The following RP1 variants were observed in gnomAD, a reference collection of about 807,000 sequenced individuals.
RP1 encodes the protein RP1 axonemal microtubule associated, also known as oxygen-regulated protein 1.
In RP1, 16 loss-of-function variants were observed where a neutral mutation model predicts 14.8. That is an observed-to-expected ratio of 1.08 (90% CI 0.73 to 1.65). The LOEUF is 1.65. Ranked by LOEUF, RP1 falls within the 40% of genes most tolerant of loss-of-function variation. RP1 has a pLI of 0.00. For synonymous variants in RP1, 876 were observed against 883.6 expected (o/e 0.99, Z 0.15); for missense variants, 2,631 against 2,535.0 (o/e 1.04, Z -0.81).
chr8:54,737,591 G>A (rs561263693), intron 18 of RP1, among the ~76,000 whole-genome samples: 1 of 152,254 alleles, frequency 6.6e-6, no homozygotes, highest in African/African-American at 2.4e-5. Flanking sequence ...CTGGGAATAA[G>A]GAAGTGGGGG....
chr8:54,812,794 T>TATCTATC (rs746333076), intron 24 of RP1, among the ~76,000 whole-genome samples: 237 of 150,742 alleles, frequency 1.6e-3, no homozygotes, highest in Non-Finnish European at 2.5e-3. Context: ...TCTATCTATC[T>TATCTATC]ATCTATCTAT....
At chr8:54,770,979 A>C (rs373031348), downstream of RP1, among the ~76,000 whole-genome samples, 1 of 152,024 alleles carries the variant, frequency 6.6e-6, no homozygotes, top group South Asian at 2.1e-4. Flanking sequence ...GTTTTCAAAA[A>C]TGGATGTACT....
At chr8:54,648,135 T>G (rs1806586009) in intron 3 of RP1, among the ~76,000 whole-genome samples, 1 of 152,184 alleles carries the variant, frequency 6.6e-6, no homozygotes, top group African/African-American at 2.4e-5. Context: ...CTGCCATGAT[T>G]GTTAAGTTTC....
intron 1 of RP1, among the ~76,000 whole-genome samples, chr8:54,604,391 C>T (rs1320160370): frequency 6.6e-6 from 1 of 152,196 alleles, no homozygotes; most frequent in Non-Finnish European, 1.5e-5. Context: ...ATGAAGCCCA[C>T]TTGATCATGG....
chr8:54,814,520 A>G (rs1811087719), intron 24 of RP1, among the ~76,000 whole-genome samples: 1 of 152,210 alleles, frequency 6.6e-6, no homozygotes, highest in Admixed American at 6.5e-5. Context: ...GTTTTCTTAG[A>G]GTTCACTGAT....
At chr8:54,850,105 G>T (rs949708936) in intron 25 of RP1, among the ~76,000 whole-genome samples, 2 of 152,110 alleles carry the variant, frequency 1.3e-5, no homozygotes, top group Non-Finnish European at 2.9e-5. Flanking sequence ...TTAAAAATTT[G>T]GCAGAAATGT....
Position 54,621,308 on chromosome 8 carries a change from T to G in RP1, c.342T>G (p.Pro114=). The G allele has an allele frequency of 6.2e-7, 1 of 1,613,576 alleles. No homozygotes were observed. The highest frequency in any genetic ancestry group is 8.5e-7 in the Non-Finnish European group (1 of 1,179,854). Residue 114 remains proline, a synonymous_variant, in exon 2 of 4, where the codon CCT becomes CCG. Transcript: ENST00000220676. ...GTTCCCACGGCAGGAAGGTGCAGCC[T>G]GTAGACCTGGACAAAGCCCGTCGGC... is the stretch of plus-strand genomic sequence containing the variant. ...YLCSHGRKVQ[P]VDLDKARRRP... is the part of the protein sequence containing the mutation.
intron 24 of RP1, among the ~76,000 whole-genome samples, chr8:54,824,688 C>T (rs34303551): frequency 0.32 from 47,915 of 151,922 alleles, 7,722 homozygotes; most frequent in South Asian, 0.37. Context: ...TAGAATTCAG[C>T]ATCCTACAAA....
Position 54,622,232 on chromosome 8 carries a change from C to G in RP1, c.731C>G (p.Pro244Arg). ...AAATACTTGCTTCCTGCTAGATTAC[C>G]AGGGATCTCTCAGCGTGTGTACCCC... ...IQKYLLPARL[P>R]GISQRVYPKG... The change falls in exon 3 of 4, where the codon CCA becomes CGA. Residue 244 changes from proline to arginine, a missense_variant. By Grantham distance (103) the Pro-to-Arg change is moderately radical. Coordinates refer to ENST00000220676, the MANE Select transcript of RP1 (RefSeq NM_006269.2). 3.7e-6 allele frequency: 6 copies of G among 1,614,084 alleles called. No homozygotes were observed. Among genetic ancestry groups the G allele is most frequent in the Non-Finnish European group, 5.1e-6 (6 of 1,180,020 alleles).
chr8:54,696,817 C>T (rs188609699), intron 12 of RP1: 190 of 734,922 alleles, frequency 2.6e-4, no homozygotes, highest in African/African-American at 1.7e-3. Context: ...ATGTGACCTG[C>T]GGATTTCCAA....
At chr8:54,769,709 CTCTT>C (rs540806549) in intron 22 of RP1, 55 of 1,359,392 alleles carry the variant, frequency 4.0e-5, no homozygotes, top group Non-Finnish European at 5.3e-5. Flanking sequence ...TTTCTCCTCT[CTCTT>C]TCTTTCTCTC....
intron 19 of RP1, among the ~76,000 whole-genome samples, chr8:54,740,783 C>T (rs1234515669): frequency 6.6e-6 from 1 of 151,784 alleles, no homozygotes; most frequent in Non-Finnish European, 1.5e-5. Flanking sequence ...GTGGATCATG[C>T]CTGTCATCTC....
exon 18 of RP1, chr8:54,734,674 C>G: frequency 1.3e-6 from 2 of 1,535,774 alleles, no homozygotes; most frequent in East Asian, 2.4e-5. Context: ...AAAGGAGTCA[C>G]TGGGCCAATA....
chr8:54,784,171 G>T (rs1810262634), intron 24 of RP1, among the ~76,000 whole-genome samples: 1 of 152,100 alleles, frequency 6.6e-6, no homozygotes, highest in South Asian at 2.1e-4. Context: ...AGATTCAATT[G>T]CTGACTTTGC....
intron 24 of RP1, among the ~76,000 whole-genome samples, chr8:54,809,120 T>C (rs751638447): frequency 1.3e-5 from 2 of 152,224 alleles, no homozygotes; most frequent in Non-Finnish European, 2.9e-5. Flanking sequence ...CTTTATATAC[T>C]CTGGGCAATA....
chr8:54,765,282 C>A (rs1260660259), intron 22 of RP1, among the ~76,000 whole-genome samples: 1 of 152,218 alleles, frequency 6.6e-6, no homozygotes, highest in East Asian at 1.9e-4. Context: ...GTAATCAAGA[C>A]CTTCAGTGTC....
chr8:54,771,138 C>A (rs1809893606), downstream of RP1, among the ~76,000 whole-genome samples: 5 of 151,942 alleles, frequency 3.3e-5, no homozygotes, highest in Admixed American at 3.3e-4. Flanking sequence ...TGTGTTTCAG[C>A]TTAGTTTTTG....
At chr8:54,624,620 TC>T (rs780762136) in intron 3 of RP1, 49 bp from the exon 4 acceptor site, 2 of 1,583,770 alleles carry the variant, frequency 1.3e-6, no homozygotes, top group Non-Finnish European at 8.7e-7. Flanking sequence ...TTCTCTGCCT[TC>T]CATATTATAT....
rs1299791617 is a variant in RP1 at position 54,588,527 on chromosome 8, G to A, written c.-13+29207G>A. ...GGCCCAGGAAGGAGCTGGCACACAGGCTATGGCTTTGGCAAAGGGAAAGGC... is the reference window on the plus strand; with the variant it reads ...GGCCCAGGAAGGAGCTGGCACACAGACTATGGCTTTGGCAAAGGGAAAGGC... On this transcript the variant is annotated intron_variant, in intron 1 of 22. Transcript: ENST00000636932. Among the ~76,000 whole-genome samples, 4 of 152,284 alleles carry A rather than the reference G, an allele frequency of 2.6e-5. No homozygotes were observed. The East Asian group carries it at 7.7e-4, about 29-fold the overall frequency.
Sources: allele counts gnomAD v4.1 joint callset (sites outside exome capture counted in the v4.1 genomes callset), GRCh38; gene constraint gnomAD v4.1.1; transcripts MANE v1.5; gene names NCBI Gene and HGNC (gene_info 2026-07-23, HGNC 2026-07-21).